Variants in CDH13 observed in about 807,000 individuals in gnomAD.
CDH13 encodes cadherin 13.
Under a neutral mutation model 63.8 loss-of-function variants are expected in CDH13, and 24 were observed. That is an observed-to-expected ratio of 0.38 (90% CI 0.27 to 0.53). CDH13 has a LOEUF of 0.53. Among genes scored for constraint, CDH13 ranks in the 20% least tolerant of loss-of-function variants. The probability of loss-of-function intolerance (pLI) is 0.85; values close to 1 mark genes in which losing one functional copy is unlikely to be tolerated. For synonymous variants in CDH13, 503 were observed against 355.3 expected, an observed-to-expected ratio of 1.42 and a Z score of -4.67; for missense variants, 1,049 against 903.1, an observed-to-expected ratio of 1.16 and a Z score of -2.07.
At position 83,779,984 on chromosome 16, in the gene CDH13, G is replaced by A. The variant is rs773486099; in HGVS notation, c.1698G>A (p.Thr566=). Residue 566 remains threonine, a synonymous_variant, in exon 12 of 14, where the codon ACG becomes ACA. Transcript: ENST00000567109. Reference sequence around the variant, plus strand: ...TTCCCACAGGCAACCCTCCCGCTACGGGCACTGGGACTTTGCTGATAACCC... The same window carrying A: ...TTCCCACAGGCAACCCTCCCGCTACAGGCACTGGGACTTTGCTGATAACCC... ...LAIDSGNPPA[T]GTGTLLITLE... is the part of the protein sequence containing the mutation. 1.4e-5 allele frequency: 23 copies of A among 1,608,454 alleles called. No homozygotes were observed. The highest frequency in any genetic ancestry group is 1.2e-4 in the South Asian group (11 of 90,842).
chr16:83,300,249 G>C (rs892998921), intron 5 of CDH13, among the ~76,000 whole-genome samples: 1 of 152,222 alleles, frequency 6.6e-6, no homozygotes, highest in Non-Finnish European at 1.5e-5. Flanking sequence ...ATGAGATTTT[G>C]TAGTTTAAAC....
At chr16:83,702,298 T>G (rs182646810) in intron 10 of CDH13, among the ~76,000 whole-genome samples, 297 of 152,304 alleles carry the variant, frequency 2.0e-3, no homozygotes, top group African/African-American at 7.0e-3. Flanking sequence ...AGATAACCCC[T>G]CAAATCTCAA....
chr16:83,179,561 G>A (rs2038264565), intron 4 of CDH13, among the ~76,000 whole-genome samples: 1 of 151,492 alleles, frequency 6.6e-6, no homozygotes, highest in African/African-American at 2.4e-5. Context: ...CTGAGGCAGG[G>A]GAATGGAGTG....
intron 2 of CDH13, among the ~76,000 whole-genome samples, chr16:82,963,216 CA>C (rs397775475): frequency 0.028 from 3,732 of 132,222 alleles, 86 homozygotes; most frequent in African/African-American, 0.07. Context: ...ACTAAAAATA[CA>C]AAAAAAAAAA....
At position 83,368,541 on chromosome 16, in the gene CDH13, G is replaced by GT. The variant is rs910715341; in HGVS notation, c.781+23541dup. On this transcript the variant is annotated intron_variant, in intron 6 of 13. Transcript: ENST00000567109. ...TTTTTTTCTTTTTTTATTTCAATAGGTTTTTTGGGAACAGGTGGTGTTTGG... is the reference window on the plus strand; with the variant it reads ...TTTTTTTCTTTTTTTATTTCAATAGGTTTTTTTGGGAACAGGTGGTGTTTGG... 5.3e-4 allele frequency among the ~76,000 whole-genome samples: 80 copies of GT among 151,502 alleles called. 2 individuals are homozygous for GT. The highest frequency in any genetic ancestry group is 1.8e-3 in the African/African-American group (73 of 41,304).
chr16:83,620,588 G>C (rs905655009), intron 8 of CDH13, among the ~76,000 whole-genome samples: 2 of 152,110 alleles, frequency 1.3e-5, no homozygotes, highest in Admixed American at 1.3e-4. Flanking sequence ...AACATGAGTA[G>C]ACGTTTATGT....
Position 82,644,731 on chromosome 16 carries a change from G to C in CDH13, c.45+17594G>C, listed in dbSNP as rs573216988. Reference sequence around the variant, plus strand: ...GGTAGCCAGCTCCCAGGTGACAGGAGTCCGCTGGGCTCCCTCTGATTCTTA... The same window carrying C: ...GGTAGCCAGCTCCCAGGTGACAGGACTCCGCTGGGCTCCCTCTGATTCTTA... On this transcript the variant is annotated intron_variant, in intron 1 of 13. Transcript: ENST00000567109. The surrounding 1 kb of genome is among the most constrained non-coding windows in gnomAD (Gnocchi z 5.7). 6.6e-6 allele frequency among the ~76,000 whole-genome samples: 1 copy of C among 152,272 alleles called. No individual in the cohort carries two copies. Among genetic ancestry groups the C allele is most frequent in the South Asian group, 2.1e-4 (1 of 4,812 alleles).
In CDH13 at chr16:82,652,333, A is replaced by G. The variant is rs375193933; in HGVS notation, c.45+25196A>G. On this transcript the variant is annotated intron_variant, in intron 1 of 13. Transcript: ENST00000567109. ...GGTTCTGTTTCTCACCTGGGCCAGG[A>G]TTGTGCCTGTGGTTTTTGTTCATGA... 3.9e-5 allele frequency among the ~76,000 whole-genome samples: 6 copies of G among 152,306 alleles called. No homozygotes were observed. The South Asian group carries it at 6.2e-4, about 16-fold the overall frequency.
chr16:83,604,856 T>A (rs1908180227), intron 8 of CDH13, among the ~76,000 whole-genome samples: 1 of 152,184 alleles, frequency 6.6e-6, no homozygotes, highest in Non-Finnish European at 1.5e-5. Flanking sequence ...CACTGTGAAT[T>A]TGGGTCCTGT....
chr16:83,128,941 C>T (rs2035930217), intron 4 of CDH13, among the ~76,000 whole-genome samples: 1 of 152,240 alleles, frequency 6.6e-6, no homozygotes, highest in Admixed American at 6.5e-5. Context: ...TTCAAAACCT[C>T]TAGATGTTTT....
At chr16:82,661,042 C>G (rs1221224138) in intron 1 of CDH13, among the ~76,000 whole-genome samples, 1 of 152,124 alleles carries the variant, frequency 6.6e-6, no homozygotes, top group Non-Finnish European at 1.5e-5. Flanking sequence ...CAAAGTGGGT[C>G]AGGTCTCCGT....
chr16:82,639,795 G>A lies in CDH13; in HGVS notation c.45+12658G>A, dbSNP rs1023572008. ...TATTATGTACCCAGCTCCATTTTCC[G>A]TACTAGCCACAGAGCAGCGAGAGCA... is the stretch of plus-strand genomic sequence containing the variant. On this transcript the variant is annotated intron_variant, in intron 1 of 13. Coordinates refer to ENST00000567109, the MANE Select transcript of CDH13 (RefSeq NM_001257.5). Among the ~76,000 whole-genome samples the A allele has an allele frequency of 5.9e-5, 9 of 152,148 alleles. No individual in the cohort carries two copies. In the East Asian group the frequency reaches 7.7e-4, roughly 13 times the overall value.
chr16:83,698,422 C>T (rs138019530), intron 10 of CDH13, among the ~76,000 whole-genome samples: 354 of 152,322 alleles, frequency 2.3e-3, no homozygotes, highest in Middle Eastern at 6.8e-3. Context: ...TGACTAGGCA[C>T]CGTTGGCTTT....
At chr16:83,699,667 T>G (rs1423556032) in intron 10 of CDH13, among the ~76,000 whole-genome samples, 1 of 152,022 alleles carries the variant, frequency 6.6e-6, no homozygotes, top group Non-Finnish European at 1.5e-5. Context: ...ACACACACAC[T>G]CACTGTCATC....
At chr16:83,006,983 G>A (rs1167138898) in intron 2 of CDH13, among the ~76,000 whole-genome samples, 1 of 149,896 alleles carries the variant, frequency 6.7e-6, no homozygotes, top group East Asian at 2.0e-4. Flanking sequence ...GAGTGCAATG[G>A]CATGATCTCG....
chr16:82,813,987 G>A (rs1470020236), intron 1 of CDH13, among the ~76,000 whole-genome samples: 1 of 152,080 alleles, frequency 6.6e-6, no homozygotes, highest in Admixed American at 6.6e-5. Flanking sequence ...GCACATACTT[G>A]AGTTCCTATT....
chr16:82,808,693 A>G (rs186818731), intron 1 of CDH13, among the ~76,000 whole-genome samples: 10 of 152,310 alleles, frequency 6.6e-5, no homozygotes, highest in African/African-American at 1.9e-4. Flanking sequence ...TAACGGGCAC[A>G]GGTTAGGCAA....
chr16:83,356,621 C>A (rs1347061135), intron 6 of CDH13, among the ~76,000 whole-genome samples: 1 of 152,098 alleles, frequency 6.6e-6, no homozygotes, highest in Non-Finnish European at 1.5e-5. Context: ...AATCACTTCA[C>A]CTTAATATAT....
At chr16:83,694,626 C>G (rs998153071) in intron 10 of CDH13, among the ~76,000 whole-genome samples, 2 of 152,184 alleles carry the variant, frequency 1.3e-5, no homozygotes, top group African/African-American at 4.8e-5. Flanking sequence ...AAGAGTGTCT[C>G]TGTCACAAAG....
Sources: allele counts gnomAD v4.1 joint callset (sites outside exome capture counted in the v4.1 genomes callset), GRCh38; gene constraint gnomAD v4.1.1; non-coding constraint Gnocchi (gnomAD v3.1); transcripts MANE v1.5; gene names NCBI Gene and HGNC (gene_info 2026-07-23, HGNC 2026-07-21).